The following ADARB1 variants were observed in gnomAD, a reference collection of about 807,000 sequenced individuals.
ADARB1 encodes the protein adenosine deaminase RNA specific B1, also known as double-stranded RNA-specific editase 1.
Under a neutral mutation model 52.4 loss-of-function variants are expected in ADARB1, and 10 were observed. The observed-to-expected ratio is 0.19, with a 90% confidence interval of 0.12 to 0.32. The LOEUF (loss-of-function observed/expected upper bound fraction) is 0.32, where lower values mean the gene tolerates loss of function less well. Among genes scored for constraint, ADARB1 ranks in the 10% least tolerant of loss-of-function variants. ADARB1 has a pLI of 1.00. For missense variants in ADARB1, 643 were observed against 922.3 expected, an observed-to-expected ratio of 0.70 and a Z score of 3.92; for synonymous variants, 349 against 371.1, an observed-to-expected ratio of 0.94 and a Z score of 0.68.
chr21:45,150,720 G>A (rs1393820457), intron 2 of ADARB1, among the ~76,000 whole-genome samples: 1 of 152,194 alleles, frequency 6.6e-6, no homozygotes, highest in African/African-American at 2.4e-5. Context: ...ATGAGATGCT[G>A]CTTTGCCTGG....
At chr21:45,105,331 C>T (rs915628546) in intron 1 of ADARB1, among the ~76,000 whole-genome samples, 2 of 152,158 alleles carry the variant, frequency 1.3e-5, no homozygotes, top group African/African-American at 4.8e-5. Context: ...GAACTCCAGA[C>T]CCTCAGATGA....
chr21:45,135,795 C>T (rs2089327634), intron 2 of ADARB1, among the ~76,000 whole-genome samples: 2 of 152,318 alleles, frequency 1.3e-5, no homozygotes, highest in South Asian at 2.1e-4. Flanking sequence ...TGGCCACAGT[C>T]AAGAGGGCCC....
At chr21:45,134,319 G>A (rs1310881212) in intron 2 of ADARB1, among the ~76,000 whole-genome samples, 3 of 68,176 alleles carry the variant, frequency 4.4e-5, no homozygotes, top group East Asian at 4.7e-4. Flanking sequence ...GTGTGCGCCC[G>A]CCGGGTGTGT....
intron 2 of ADARB1, among the ~76,000 whole-genome samples, chr21:45,170,870 T>A (rs2091453108): frequency 6.6e-6 from 1 of 152,222 alleles, no homozygotes; most frequent in Admixed American, 6.5e-5. Context: ...AACTAGAAAT[T>A]GTAATACCTG....
intron 4 of ADARB1, among the ~76,000 whole-genome samples, chr21:45,179,635 G>A (rs1329397489): frequency 2.0e-5 from 3 of 152,148 alleles, no homozygotes; most frequent in South Asian, 2.1e-4. Flanking sequence ...TGTTCCGAAC[G>A]TCTAAGCGCT....
At chr21:45,213,443 T>C (rs191071064) in intron 9 of ADARB1, among the ~76,000 whole-genome samples, 20 of 152,324 alleles carry the variant, frequency 1.3e-4, no homozygotes, top group Admixed American at 4.6e-4. Context: ...AGTATACAAT[T>C]TGATACATTT....
chr21:45,184,552 G>T, intron 7 of ADARB1: 1 of 364,822 alleles, frequency 2.7e-6, no homozygotes, highest in Non-Finnish European at 5.5e-6. Flanking sequence ...GGGCTCTTAA[G>T]CGATCCTTCC....
chr21:45,150,066 C>T (rs1183684422), intron 2 of ADARB1, among the ~76,000 whole-genome samples: 2 of 152,226 alleles, frequency 1.3e-5, no homozygotes, highest in African/African-American at 2.4e-5. Flanking sequence ...GGCGGTTCAC[C>T]TGAGGTCGGG....
At chr21:45,086,068 A>G (rs2123656689) in intron 1 of ADARB1, among the ~76,000 whole-genome samples, 1 of 152,290 alleles carries the variant, frequency 6.6e-6, no homozygotes, top group East Asian at 1.9e-4. Flanking sequence ...TGTAGAATGG[A>G]AAAGGCAGGC....
At chr21:45,159,669 A>G (rs1343545995) in intron 2 of ADARB1, among the ~76,000 whole-genome samples, 2 of 152,192 alleles carry the variant, frequency 1.3e-5, no homozygotes, top group African/African-American at 4.8e-5. Flanking sequence ...TGGGAGGCGA[A>G]TAGGCCCCTT....
intron 1 of ADARB1, among the ~76,000 whole-genome samples, chr21:45,105,984 A>G (rs1370439283): frequency 1.3e-5 from 2 of 152,216 alleles, no homozygotes. Flanking sequence ...CTGTAAAACA[A>G]CTGTAAAGGA....
chr21:45,218,717 A>G (rs2092911915), intron 9 of ADARB1, among the ~76,000 whole-genome samples: 1 of 152,198 alleles, frequency 6.6e-6, no homozygotes. Flanking sequence ...GGGAGGGATA[A>G]ATGGTCATTG....
chr21:45,204,812 A>C lies in ADARB1; in HGVS notation c.1747+76A>C, dbSNP rs2092634575. The C allele has an allele frequency of 1.4e-6, 2 of 1,469,684 alleles. No homozygotes were observed. The highest frequency in any genetic ancestry group is 2.3e-5 in the East Asian group (1 of 42,988). 91.0% of individuals were successfully genotyped at this position (1,469,684 alleles called of 1,614,324 possible). On this transcript the variant is annotated intron_variant, in intron 9 of 10. Coordinates refer to ENST00000348831, the MANE Select transcript of ADARB1 (RefSeq NM_001112.4). The surrounding 1 kb of genome is among the most constrained non-coding windows in gnomAD (Gnocchi z 4.4). ...GTTTTCATCCTCATGAATGAAAAAA[A>C]CACCACCTGAGCTGCTCTGTGGCTA...
At chr21:45,081,532 G>T (rs190049966) in intron 1 of ADARB1, among the ~76,000 whole-genome samples, 61 of 152,322 alleles carry the variant, frequency 4.0e-4, no homozygotes, top group African/African-American at 1.4e-3. Flanking sequence ...TTGATGTTTG[G>T]TAGGGTAGGT....
At position 45,172,192 on chromosome 21, in the gene ADARB1, C is replaced by T. The variant is rs1222995418; in HGVS notation, c.28+508C>T. 4.6e-5 allele frequency among the ~76,000 whole-genome samples: 7 copies of T among 152,106 alleles called. No individual in the cohort carries two copies. Among genetic ancestry groups the T allele is most frequent in the African/African-American group, 1.7e-4 (7 of 41,410 alleles). ...TAATGAGAGCTGGGACTGGTGTGGG[C>T]CTCCTCCTTCCGTGCTGTTCTCTCT... is the stretch of plus-strand genomic sequence containing the variant. On this transcript the variant is annotated intron_variant, in intron 3 of 10. Transcript: ENST00000348831. The surrounding 1 kb of genome is among the most constrained non-coding windows in gnomAD (Gnocchi z 4.4).
intron 5 of ADARB1, among the ~76,000 whole-genome samples, chr21:45,181,262 A>C (rs914206): frequency 0.51 from 77,093 of 152,008 alleles, 19,931 homozygotes; most frequent in South Asian, 0.58. Flanking sequence ...TTTCCCCCTG[A>C]GGGGTCACCT....
intron 9 of ADARB1, among the ~76,000 whole-genome samples, chr21:45,219,928 T>C (rs2092932155): frequency 6.6e-6 from 1 of 151,478 alleles, no homozygotes; most frequent in Non-Finnish European, 1.5e-5. Flanking sequence ...AATGCTGCCA[T>C]GGCCTGTGCT....
At position 45,155,337 on chromosome 21, in the gene ADARB1, G is replaced by T. The variant is rs549865856; in HGVS notation, c.-47-16273G>T. 1.6e-4 allele frequency among the ~76,000 whole-genome samples: 25 copies of T among 152,270 alleles called. No homozygotes were observed. In the South Asian group the frequency reaches 1.7e-3, roughly 10 times the overall value. On this transcript the variant is annotated intron_variant, in intron 2 of 10. Transcript: ENST00000348831. Reference sequence around the variant, plus strand: ...ACCCTTCACAGAGTGAGCAGAGCCAGTTGGCCAAGGGGAGGAAGCAGGCGG... The same window carrying T: ...ACCCTTCACAGAGTGAGCAGAGCCATTTGGCCAAGGGGAGGAAGCAGGCGG...
intron 2 of ADARB1, among the ~76,000 whole-genome samples, chr21:45,147,118 C>G (rs2090049234): frequency 6.6e-6 from 1 of 152,184 alleles, no homozygotes; most frequent in Admixed American, 6.5e-5. Context: ...GAGCTTCTGG[C>G]TAGTCCTCAG....
Sources: gnomAD v4.1 joint callset for allele counts (sites outside exome capture counted in the v4.1 genomes callset) on GRCh38, gnomAD v4.1.1 for gene constraint, Gnocchi (gnomAD v3.1) non-coding constraint, MANE v1.5 for transcripts, NCBI Gene and HGNC (gene_info 2026-07-23, HGNC 2026-07-21) for gene names.